The following NEMF variants were observed in gnomAD, a reference collection of about 807,000 sequenced individuals.
NEMF encodes ribosome quality control complex subunit NEMF.
NEMF carries 89 observed loss-of-function variants against 162.2 expected under a neutral mutation model. The observed-to-expected ratio is 0.55, with a 90% CI of 0.46 to 0.65. The LOEUF (loss-of-function observed/expected upper bound fraction) is 0.65. NEMF is among the 30% of genes least tolerant of loss of function. The pLI, the probability that NEMF is intolerant of heterozygous loss-of-function variation, is 0.00. For missense variants in NEMF, 1,133 were observed against 1,261.9 expected (o/e 0.90, Z 1.55); for synonymous variants, 421 against 404.5 (o/e 1.04, Z -0.49).
chr14:49,817,540 C>T (rs1004887160), intron 16 of NEMF, among the ~76,000 whole-genome samples: 1 of 151,996 alleles, frequency 6.6e-6, no homozygotes, highest in Non-Finnish European at 1.5e-5. Flanking sequence ...AAAATAGTTA[C>T]AAGTTAGAAG....
rs1156916913 is a variant in NEMF, at chr14:49,789,576, AC to A, written c.2620-4del. On this transcript the variant is annotated splice_polypyrimidine_tract_variant and splice_region_variant and intron_variant, in intron 26 of 32. Transcript: ENST00000298310. Reference sequence around the variant, plus strand: ...TCTTTCATTTTTTTCATTTTACTCTACAAAATCAGAAGATTTTGGTTGGAAA... The same window carrying A: ...TCTTTCATTTTTTTCATTTTACTCTAAAAATCAGAAGATTTTGGTTGGAAA... 2.5e-6 allele frequency: 4 copies of A among 1,604,768 alleles called. No individual in the cohort carries two copies. The highest frequency in any genetic ancestry group is 2.7e-5 in the African/African-American group (2 of 74,370).
chr14:49,803,360 G>T, intron 19 of NEMF, 66 bp from the exon 20 acceptor site: 1 of 1,149,906 alleles, frequency 8.7e-7, no homozygotes, highest in South Asian at 1.4e-5. Context: ...TTTTCCACTT[G>T]AGGAGAAAGT....
intron 14 of NEMF, 116 bp from the exon 15 acceptor site, chr14:49,828,470 A>G (rs929125134): frequency 5.7e-5 from 55 of 970,462 alleles, no homozygotes; most frequent in Non-Finnish European, 7.6e-5. Context: ...CAAACTGTAT[A>G]ATTAACAAAA....
rs757791268 is a variant in NEMF at position 49,784,957 on chromosome 14, C to CGG, written c.3120_3121insCC (p.Ala1041ProfsTer11). On this transcript the variant is annotated frameshift_variant, in exon 32 of 33. Coordinates refer to ENST00000298310, the MANE Select transcript of NEMF (RefSeq NM_004713.6). LOFTEE classifies it high-confidence loss of function. ...CTGCGGAATAAGTCTTTTTCTCTTG[C>CGG]TGTTGCTTCTTTGGAATGCATGAAA... The CGG allele has an allele frequency of 1.2e-6, 2 of 1,613,820 alleles. No individual in the cohort carries two copies. The highest frequency in any genetic ancestry group is 2.2e-5 in the South Asian group (2 of 91,050).
chr14:49,808,782 A>G (rs1891338684), intron 18 of NEMF, among the ~76,000 whole-genome samples: 1 of 151,888 alleles, frequency 6.6e-6, no homozygotes, highest in African/African-American at 2.4e-5. Flanking sequence ...AAGACATAGC[A>G]GATAAAAGAT....
At chr14:49,791,855 G>A (rs1157654450) in intron 26 of NEMF, among the ~76,000 whole-genome samples, 1 of 151,818 alleles carries the variant, frequency 6.6e-6, no homozygotes, top group Non-Finnish European at 1.5e-5. Context: ...ACAGGACTGA[G>A]GAATGGAAAA....
At chr14:49,849,313 T>C (rs1566715941) in intron 3 of NEMF, among the ~76,000 whole-genome samples, 3 of 152,190 alleles carry the variant, frequency 2.0e-5, no homozygotes, top group Non-Finnish European at 2.9e-5. Flanking sequence ...AGGGGATTAT[T>C]TATCATGGAG....
intron 15 of NEMF, among the ~76,000 whole-genome samples, chr14:49,826,192 C>T (rs1468481009): frequency 6.6e-6 from 1 of 151,942 alleles, no homozygotes. Context: ...AAAATATTTG[C>T]CCAAGACCTA....
intron 22 of NEMF, chr14:49,800,962 G>A: frequency 2.8e-6 from 1 of 359,182 alleles, no homozygotes; most frequent in Non-Finnish European, 5.0e-6. Context: ...CCACAACTCT[G>A]CCTTAGTTGG....
At chr14:49,798,821 G>C (rs930591487) in intron 25 of NEMF, among the ~76,000 whole-genome samples, 1 of 152,046 alleles carries the variant, frequency 6.6e-6, no homozygotes, top group African/African-American at 2.4e-5. Flanking sequence ...GCAGGAGAAC[G>C]GCGTGAACCC....
At chr14:49,843,507 A>G (rs1277698123) in intron 4 of NEMF, among the ~76,000 whole-genome samples, 1 of 152,170 alleles carries the variant, frequency 6.6e-6, no homozygotes, top group Non-Finnish European at 1.5e-5. Context: ...AAAATAAAAA[A>G]TATTGCATAA....
At chr14:49,849,268 G>A (rs181753918) in intron 3 of NEMF, among the ~76,000 whole-genome samples, 1 of 152,158 alleles carries the variant, frequency 6.6e-6, no homozygotes, top group African/African-American at 2.4e-5. Flanking sequence ...AGGCATCATT[G>A]AAAGGACAGA....
In NEMF at chr14:49,842,313, A is replaced by G. The variant is rs148198286; in HGVS notation, c.358-1447T>C. ...TAGCAAAGACACACAAAAAAGTTAT[A>G]TCCTAGAAAATGGAAGGCATATGTA... On this transcript the variant is annotated intron_variant, in intron 4 of 32. Transcript: ENST00000298310. 4.6e-5 allele frequency among the ~76,000 whole-genome samples: 7 copies of G among 152,352 alleles called. No individual in the cohort carries two copies. In the East Asian group the frequency reaches 1.3e-3, roughly 29 times the overall value.
intron 26 of NEMF, among the ~76,000 whole-genome samples, chr14:49,795,104 G>A (rs1161559811): frequency 6.6e-6 from 1 of 151,970 alleles, no homozygotes; most frequent in Non-Finnish European, 1.5e-5. Flanking sequence ...GGAGGGTGAG[G>A]CAGGAAGATC....
intron 18 of NEMF, among the ~76,000 whole-genome samples, chr14:49,810,259 T>C (rs1182547113): frequency 1.3e-5 from 2 of 151,802 alleles, no homozygotes; most frequent in African/African-American, 2.4e-5. Flanking sequence ...TCCCAGCTAC[T>C]CGGGAGGCTG....
At chr14:49,814,181 C>T in intron 17 of NEMF, 131 bp from the exon 18 acceptor site, 1 of 580,878 alleles carries the variant, frequency 1.7e-6, no homozygotes, top group East Asian at 3.3e-5. Context: ...CTCACTGCAA[C>T]TTCTGCCCCC....
At chr14:49,852,439 G>C (rs980079607) in intron 1 of NEMF, among the ~76,000 whole-genome samples, 3 of 152,242 alleles carry the variant, frequency 2.0e-5, no homozygotes, top group African/African-American at 7.2e-5. Context: ...GGCCAACAAT[G>C]CAAGAGCTTC....
At position 49,845,287 on chromosome 14, in the gene NEMF, T is replaced by C. The variant is rs143635803; in HGVS notation, c.357+853A>G. On this transcript the variant is annotated intron_variant, in intron 4 of 32. Transcript: ENST00000298310. ...TTTGTATTTTTTAATAGAGACGGGG[T>C]TTTGCCATGTTGGCCAGGCTGGTCT... 5.4e-3 allele frequency among the ~76,000 whole-genome samples: 818 copies of C among 151,910 alleles called. 11 individuals are homozygous for C. The highest frequency in any genetic ancestry group is 0.019 in the African/African-American group (778 of 41,382).
In NEMF at chr14:49,806,228, A is replaced by ATGTGTG. The variant is rs1555346800; in HGVS notation, c.1745-96_1745-95insCACACA. 193 of 142,572 alleles carry ATGTGTG rather than the reference A, an allele frequency of 1.4e-3. 1 individual carries two copies. The highest frequency in any genetic ancestry group is 1.9e-3 in the South Asian group (35 of 18,894). The allele number at this position is 142,572 out of a possible 1,614,324, so 8.8% of individuals were successfully genotyped here. A position where few individuals can be genotyped will look rare whatever the true frequency, so the allele number is the denominator to read the frequency against. On this transcript the variant is annotated intron_variant, in intron 18 of 32. Transcript: ENST00000298310. Reference sequence around the variant, plus strand: ...CATGCCGCATGACAGGGTCAATGATATGTGTATATATATATATATATATAT... The same window carrying ATGTGTG: ...CATGCCGCATGACAGGGTCAATGATATGTGTGTGTGTATATATATATATATATATAT...
Sources: allele counts gnomAD v4.1 joint callset (sites outside exome capture counted in the v4.1 genomes callset), GRCh38; gene constraint gnomAD v4.1.1; transcripts MANE v1.5; gene names NCBI Gene and HGNC (gene_info 2026-07-23, HGNC 2026-07-21).